The following COL4A1 variants were observed in gnomAD, a reference collection of about 807,000 sequenced individuals.
COL4A1 encodes the protein collagen type IV alpha 1 chain.
In COL4A1, 40 loss-of-function variants were observed where a neutral mutation model predicts 216.6. The ratio of observed to expected loss-of-function variants is 0.18; its 90% CI spans 0.14 to 0.24. The LOEUF (loss-of-function observed/expected upper bound fraction) is 0.24, where lower values mean the gene tolerates loss of function less well. Ranked by LOEUF, COL4A1 falls within the 10% of genes least tolerant of loss-of-function variation. COL4A1 has a pLI of 1.00. For synonymous variants in COL4A1, 839 were observed against 810.7 expected (o/e 1.03, Z -0.59); for missense variants, 1,628 against 2,196.8 (o/e 0.74, Z 5.18).
chr13:110,175,715 C>G (rs1446553142), intron 36 of COL4A1, among the ~76,000 whole-genome samples: 2 of 152,240 alleles, frequency 1.3e-5, no homozygotes, highest in African/African-American at 2.4e-5. Flanking sequence ...ATCAGCCAGA[C>G]GTCACAGGGA....
intron 10 of COL4A1, 131 bp downstream of exon 10, chr13:110,209,849 T>C (rs1217624687): frequency 8.8e-7 from 1 of 1,136,596 alleles, no homozygotes; most frequent in East Asian, 2.3e-5. Flanking sequence ...AGAGGGAAGC[T>C]GATTCCGCCA....
At chr13:110,299,022 T>C in intron 1 of COL4A1, 1 of 152,722 alleles carries the variant, frequency 6.5e-6, no homozygotes. Flanking sequence ...TTCTGGAACC[T>C]TCCTCCCCCG....
At chr13:110,174,079 C>T (rs1307021047) in intron 39 of COL4A1, 81 bp from the exon 40 acceptor site, 3 of 1,480,534 alleles carry the variant, frequency 2.0e-6, no homozygotes, top group African/African-American at 2.8e-5. Context: ...CCTTTGCTGA[C>T]ATCCTTTAAG....
At position 110,161,385 on chromosome 13, in the gene COL4A1, G is replaced by C. The variant is rs1279493435; in HGVS notation, c.4463-16C>G. 4 of 1,595,610 alleles carry C rather than the reference G, an allele frequency of 2.5e-6. No individual in the cohort carries two copies. The highest frequency in any genetic ancestry group is 3.4e-6 in the Non-Finnish European group (4 of 1,170,154). ...CCGGCCGTGCCTAGACAAGGAAGAA[G>C]ACAATGTGAGATGTTTCCTTTATAA... On this transcript the variant is annotated splice_polypyrimidine_tract_variant and intron_variant, in intron 48 of 51. Transcript: ENST00000375820.
rs1488640253 is a variant in COL4A1 at position 110,211,149 on chromosome 13, T to C, written c.468+498A>G. 6.6e-6 allele frequency among the ~76,000 whole-genome samples: 1 copy of C among 152,188 alleles called. No individual in the cohort carries two copies. Among genetic ancestry groups the C allele is most frequent in the Non-Finnish European group, 1.5e-5 (1 of 68,034 alleles). ...TCTCTACTGCAGCTGCTGAGACCTG[T>C]AAGCCTCCCTTTGACAAGGCTGATC... is the stretch of plus-strand genomic sequence containing the variant. On this transcript the variant is annotated intron_variant, in intron 8 of 51. Coordinates refer to ENST00000375820, the MANE Select transcript of COL4A1 (RefSeq NM_001845.6). The surrounding 1 kb of genome is among the most constrained non-coding windows in gnomAD (Gnocchi z 4.3).
intron 44 of COL4A1, among the ~76,000 whole-genome samples, chr13:110,166,728 C>T (rs1449681180): frequency 2.0e-5 from 3 of 152,118 alleles, no homozygotes; most frequent in Non-Finnish European, 4.4e-5. Context: ...TGTTTTTGGT[C>T]CCGATCTGAT....
chr13:110,280,689 T>C (rs1883595950), intron 1 of COL4A1, among the ~76,000 whole-genome samples: 1 of 152,152 alleles, frequency 6.6e-6, no homozygotes, highest in Admixed American at 6.5e-5. Context: ...CCTCGAAAAA[T>C]CCCCTTTTCA....
Position 110,201,408 on chromosome 13 carries a change from G to A in COL4A1, c.1084+30C>T, listed in dbSNP as rs371504562. ...AGGAGGAGAGAAGGAGGGGGAGTAG[G>A]AGGAGGGGGGAAAAAGGCAAGAAAG... On this transcript the variant is annotated intron_variant, in intron 19 of 51. Coordinates refer to ENST00000375820, the MANE Select transcript of COL4A1 (RefSeq NM_001845.6). 20 of 1,386,546 alleles carry A rather than the reference G, an allele frequency of 1.4e-5. No individual in the cohort carries two copies. In the African/African-American group the frequency reaches 2.9e-4, roughly 20 times the overall value. 85.9% of individuals were successfully genotyped at this position (1,386,546 alleles called of 1,614,324 possible).
chr13:110,168,555 A>G (rs554211603), intron 43 of COL4A1, among the ~76,000 whole-genome samples: 2 of 152,362 alleles, frequency 1.3e-5, no homozygotes, highest in African/African-American at 4.8e-5. Flanking sequence ...TAAGCATTTC[A>G]TAACTTACTG....
intron 43 of COL4A1, 120 bp from the exon 44 acceptor site, chr13:110,167,350 C>G: frequency 1.3e-6 from 1 of 799,876 alleles, no homozygotes; most frequent in Non-Finnish European, 2.3e-6. Flanking sequence ...CATTTGTGAA[C>G]AAATGGTGCC....
chr13:110,196,330 G>A (rs1394794656), intron 21 of COL4A1, among the ~76,000 whole-genome samples: 4 of 152,132 alleles, frequency 2.6e-5, no homozygotes, highest in African/African-American at 9.7e-5. Flanking sequence ...TTAGCCCTTC[G>A]ACATTGGTGC....
intron 26 of COL4A1, among the ~76,000 whole-genome samples, chr13:110,184,332 G>C (rs1174129101): frequency 1.3e-5 from 2 of 152,146 alleles, no homozygotes; most frequent in Non-Finnish European, 2.9e-5. Flanking sequence ...CCCTTCGACA[G>C]CTCTGGAAAT....
chr13:110,202,423 ATAT>A (rs1469424720), intron 18 of COL4A1, among the ~76,000 whole-genome samples: 1 of 152,192 alleles, frequency 6.6e-6, no homozygotes, highest in African/African-American at 2.4e-5. Flanking sequence ...CAATTAATAG[ATAT>A]TATTAAAATG....
At chr13:110,249,613 C>G (rs1451333429) in intron 1 of COL4A1, among the ~76,000 whole-genome samples, 1 of 152,112 alleles carries the variant, frequency 6.6e-6, no homozygotes, top group Non-Finnish European at 1.5e-5. Context: ...AAGAGGACTC[C>G]AGGGACTTCG....
intron 41 of COL4A1, among the ~76,000 whole-genome samples, chr13:110,171,642 G>T (rs1304586074): frequency 6.6e-6 from 1 of 152,192 alleles, no homozygotes; most frequent in Non-Finnish European, 1.5e-5. Flanking sequence ...GACCTAAAGT[G>T]GTCATTTGGG....
rs371890831 is a variant in COL4A1 at position 110,268,563 on chromosome 13, G to A, written c.85-25829C>T. Among the ~76,000 whole-genome samples, 53 of 152,354 alleles carry A rather than the reference G, an allele frequency of 3.5e-4. No individual in the cohort carries two copies. The highest frequency in any genetic ancestry group is 5.5e-4 in the African/African-American group (23 of 41,580). ...TTTGGCTTCTGCAGATGACTTCAGG[G>A]TGGTGTGGCAGGGAAAATGCTTTTG... is the stretch of plus-strand genomic sequence containing the variant. On this transcript the variant is annotated intron_variant, in intron 1 of 51. Transcript: ENST00000375820. This position sits in a 1 kb window ranked among gnomAD's most constrained non-coding sequence, Gnocchi z 4.1.
At chr13:110,227,868 A>ACAGGGAGGCAGCCCTGTCTCGGGTCTC (rs1880814353) in intron 2 of COL4A1, among the ~76,000 whole-genome samples, 1 of 152,168 alleles carries the variant, frequency 6.6e-6, no homozygotes, top group African/African-American at 2.4e-5. Context: ...TCAGGCAAGG[A>ACAGGGAGGCAGCCCTGTCTCGGGTCTC]CAGGGAGGCA....
At chr13:110,196,360 A>ATAAG (rs1160022256) in intron 21 of COL4A1, among the ~76,000 whole-genome samples, 4 of 152,166 alleles carry the variant, frequency 2.6e-5, no homozygotes, top group Non-Finnish European at 5.9e-5. Context: ...CATCGTCTTA[A>ATAAG]ACAAAGTGGA....
chr13:110,205,328 G>A (rs1879442870), intron 17 of COL4A1, 25 bp downstream of exon 17: 4 of 1,613,588 alleles, frequency 2.5e-6, no homozygotes, highest in South Asian at 1.1e-5. Flanking sequence ...TGAAGATAAA[G>A]GCTCACAATA....
Sources: gnomAD v4.1 joint callset for allele counts (sites outside exome capture counted in the v4.1 genomes callset) on GRCh38, gnomAD v4.1.1 for gene constraint, Gnocchi (gnomAD v3.1) non-coding constraint, MANE v1.5 for transcripts, NCBI Gene and HGNC (gene_info 2026-07-23, HGNC 2026-07-21) for gene names.